KIAA1958: variants seen among roughly 807,000 people sequenced by gnomAD.
KIAA1958 encodes the protein KIAA1958.
A neutral mutation model predicts 47.2 loss-of-function variants in KIAA1958; 14 were observed. That is an observed-to-expected ratio of 0.30 (90% CI 0.20 to 0.46). The LOEUF is 0.46. Among genes scored for constraint, KIAA1958 ranks in the 20% least tolerant of loss-of-function variants. The pLI is 1.00. For missense variants in KIAA1958, 803 were observed against 909.2 expected (o/e 0.88, Z 1.50); for synonymous variants, 354 against 353.3 (o/e 1.00, Z -0.02).
At chr9:112,581,039 G>A (rs1835726265) in intron 2 of KIAA1958, among the ~76,000 whole-genome samples, 1 of 152,096 alleles carries the variant, frequency 6.6e-6, no homozygotes, top group Admixed American at 6.5e-5. Context: ...GGAGCTTAGA[G>A]TCTGATGTGT....
At chr9:112,510,362 G>A (rs1035968819) in intron 1 of KIAA1958, among the ~76,000 whole-genome samples, 2 of 152,120 alleles carry the variant, frequency 1.3e-5, no homozygotes, top group African/African-American at 2.4e-5. Context: ...CTTGAAAAGC[G>A]AAAGCAAAAA....
chr9:112,642,469 C>A (rs1434914406), intron 2 of KIAA1958, among the ~76,000 whole-genome samples: 6 of 152,198 alleles, frequency 3.9e-5, no homozygotes, highest in African/African-American at 1.4e-4. Flanking sequence ...TTCTCTGTCC[C>A]CTCAGGGTGG....
rs1044913261 is a variant in KIAA1958, at chr9:112,618,987, G to A, written c.1172-26663G>A. 9.7e-6 allele frequency: 14 copies of A among 1,436,504 alleles called. No individual in the cohort carries two copies. Among genetic ancestry groups the A allele is most frequent in the African/African-American group, 7.2e-5 (5 of 69,886 alleles). The allele number at this position is 1,436,504 out of a possible 1,614,324, so 89.0% of individuals were successfully genotyped here. A position where few individuals can be genotyped will look rare whatever the true frequency, so the allele number is the denominator to read the frequency against. On this transcript the variant is annotated intron_variant, in intron 2 of 3. Coordinates refer to ENST00000337530, the MANE Select transcript of KIAA1958 (RefSeq NM_133465.4). This position sits in a 1 kb window ranked among gnomAD's most constrained non-coding sequence, Gnocchi z 7.1. ...AAACTGTGATTATACACCGCTTCTC[G>A]TTCCCCTTCCTGTGCCCTCAGTGTT...
chr9:112,646,731 T>C (rs1050057337), intron 3 of KIAA1958, among the ~76,000 whole-genome samples: 1 of 152,112 alleles, frequency 6.6e-6, no homozygotes, highest in Non-Finnish European at 1.5e-5. Context: ...CTGGGCAACA[T>C]AGCAAGACGC....
chr9:112,573,199 G>T (rs1258833071), intron 1 of KIAA1958, among the ~76,000 whole-genome samples: 1 of 152,182 alleles, frequency 6.6e-6, no homozygotes, highest in Non-Finnish European at 1.5e-5. Context: ...AATAAGGAAT[G>T]ATTTGCTTCT....
rs551147582 is a variant in KIAA1958 at position 112,590,705 on chromosome 9, GC to G, written c.1171+15455del. 5.8e-3 allele frequency among the ~76,000 whole-genome samples: 879 copies of G among 152,268 alleles called. 13 individuals carry two copies. The highest frequency in any genetic ancestry group is 0.02 in the African/African-American group (846 of 41,552). On this transcript the variant is annotated intron_variant, in intron 2 of 3. Coordinates refer to ENST00000337530, the MANE Select transcript of KIAA1958 (RefSeq NM_133465.4). Reference sequence around the variant, plus strand: ...CATGGCAGACCTCAGAACATTTCGGGCAGTAGTTACTGAGGGTGGAGGTAGG... The same window carrying G: ...CATGGCAGACCTCAGAACATTTCGGGAGTAGTTACTGAGGGTGGAGGTAGG...
At chr9:112,533,728 A>T (rs568424763) in intron 1 of KIAA1958, among the ~76,000 whole-genome samples, 1 of 152,286 alleles carries the variant, frequency 6.6e-6, no homozygotes, top group African/African-American at 2.4e-5. Flanking sequence ...GGCGGGGGAA[A>T]TGGCAGACAT....
At chr9:112,499,373 A>G (rs896416124) in intron 1 of KIAA1958, among the ~76,000 whole-genome samples, 1 of 152,224 alleles carries the variant, frequency 6.6e-6, no homozygotes, top group African/African-American at 2.4e-5. Flanking sequence ...GAAGATTTCC[A>G]TGAAATTTTA....
chr9:112,605,259 A>G (rs1459273488), intron 2 of KIAA1958, among the ~76,000 whole-genome samples: 3 of 152,034 alleles, frequency 2.0e-5, no homozygotes, highest in Admixed American at 2.0e-4. Flanking sequence ...ATATTTAGAT[A>G]AGATTAGCTT....
chr9:112,563,065 G>GTC (rs1554724186), intron 1 of KIAA1958, among the ~76,000 whole-genome samples: 17 of 126,608 alleles, frequency 1.3e-4, no homozygotes, highest in East Asian at 8.6e-4. Flanking sequence ...CTCTGTCTCT[G>GTC]TCTCTCTCTC....
At chr9:112,560,897 CTTT>C (rs757221472) in intron 1 of KIAA1958, among the ~76,000 whole-genome samples, 35 of 152,038 alleles carry the variant, frequency 2.3e-4, no homozygotes, top group Non-Finnish European at 4.3e-4. Context: ...CTGGAAAAAC[CTTT>C]TCTCTCTGTC....
chr9:112,619,138 A>G (rs1588042558), intron 2 of KIAA1958: 1 of 276,792 alleles, frequency 3.6e-6, no homozygotes, highest in Non-Finnish European at 5.6e-6. Flanking sequence ...TGGGCGATCA[A>G]ATGTAATTAC....
chr9:112,538,285 G>A (rs368246809), intron 1 of KIAA1958, among the ~76,000 whole-genome samples: 1 of 152,120 alleles, frequency 6.6e-6, no homozygotes. Flanking sequence ...CCAGGAGGTC[G>A]AGGCTGCAGT....
At chr9:112,627,401 A>T (rs949385343) in intron 2 of KIAA1958, among the ~76,000 whole-genome samples, 3 of 152,212 alleles carry the variant, frequency 2.0e-5, no homozygotes, top group African/African-American at 7.2e-5. Context: ...GCAGAGGACT[A>T]TGAGGTGCAT....
chr9:112,581,427 A>G (rs1835732883), intron 2 of KIAA1958, among the ~76,000 whole-genome samples: 1 of 152,158 alleles, frequency 6.6e-6, no homozygotes, highest in Non-Finnish European at 1.5e-5. Flanking sequence ...CTACTAAAAT[A>G]TGGTCCGTGG....
In KIAA1958 at chr9:112,631,434, G is replaced by C. The variant is rs1437964334; in HGVS notation, c.1172-14216G>C. On this transcript the variant is annotated intron_variant, in intron 2 of 3. Transcript: ENST00000337530. ...CCAGATGCTAGAGAGGCTGAGGCAA[G>C]AGGATTGTTTGAGCCCAGGAAAGGA... 4.7e-5 allele frequency among the ~76,000 whole-genome samples: 7 copies of C among 148,840 alleles called. No individual in the cohort carries two copies. In the Admixed American group the frequency reaches 4.8e-4, roughly 10 times the overall value.
intron 2 of KIAA1958, among the ~76,000 whole-genome samples, chr9:112,609,572 G>T (rs1423881162): frequency 6.6e-6 from 1 of 152,110 alleles, no homozygotes; most frequent in Non-Finnish European, 1.5e-5. Context: ...TGTTTTTTGA[G>T]ATAGGGTCTC....
At chr9:112,624,403 G>A (rs1836567907) in intron 2 of KIAA1958, among the ~76,000 whole-genome samples, 1 of 152,180 alleles carries the variant, frequency 6.6e-6, no homozygotes. Context: ...TGAGTGCATA[G>A]CCTTTCATAA....
intron 2 of KIAA1958, among the ~76,000 whole-genome samples, chr9:112,635,219 T>C (rs1290565366): frequency 1.8e-4 from 3 of 16,348 alleles, no homozygotes; most frequent in African/African-American, 3.0e-4. Context: ...TTATTTTGTG[T>C]GTGTGTGTGT....
Sources: allele counts gnomAD v4.1 joint callset (sites outside exome capture counted in the v4.1 genomes callset), GRCh38; gene constraint gnomAD v4.1.1; non-coding constraint Gnocchi (gnomAD v3.1); transcripts MANE v1.5; gene names NCBI Gene and HGNC (gene_info 2026-07-23, HGNC 2026-07-21).